Variants in BPNT1 observed in about 807,000 individuals in gnomAD.
BPNT1 encodes the protein 3'(2'), 5'-bisphosphate nucleotidase 1.
Under a neutral mutation model 36.9 loss-of-function variants are expected in BPNT1, and 28 were observed. The ratio of observed to expected loss-of-function variants is 0.76; its 90% CI spans 0.56 to 1.04. The LOEUF is 1.04. Ranked by LOEUF, BPNT1 falls within the 50% of genes least tolerant of loss-of-function variation. BPNT1 has a pLI of 0.00. For synonymous variants in BPNT1, 119 were observed against 130.9 expected (o/e 0.91, Z 0.62); for missense variants, 313 against 372.9 (o/e 0.84, Z 1.32).
chr1:220,063,049 A>T, intron 6 of BPNT1, 95 bp from the exon 7 acceptor site: 2 of 1,374,384 alleles, frequency 1.5e-6, no homozygotes, highest in Non-Finnish European at 2.0e-6. Flanking sequence ...ATCATGATTT[A>T]AAAAATAAAA....
intron 2 of BPNT1, among the ~76,000 whole-genome samples, chr1:220,074,525 C>G (rs976077825): frequency 6.6e-6 from 1 of 151,368 alleles, no homozygotes; most frequent in Non-Finnish European, 1.5e-5. Context: ...GAGACAGAGT[C>G]TTGCTCTGTC....
intron 2 of BPNT1, among the ~76,000 whole-genome samples, chr1:220,078,549 T>TATAATTATAA (rs1298850184): frequency 7.2e-6 from 1 of 139,336 alleles, no homozygotes; most frequent in African/African-American, 2.7e-5. Context: ...TATATTATAA[T>TATAATTATAA]TATATATAAA....
intron 1 of BPNT1, among the ~76,000 whole-genome samples, chr1:220,083,066 G>A (rs1178721591): frequency 1.3e-5 from 2 of 151,308 alleles, no homozygotes; most frequent in Non-Finnish European, 2.9e-5. Context: ...GTGAAACCCC[G>A]TGTCTACTAA....
intron 2 of BPNT1, among the ~76,000 whole-genome samples, chr1:220,075,303 A>C (rs933087106): frequency 6.6e-6 from 1 of 152,162 alleles, no homozygotes; most frequent in African/African-American, 2.4e-5. Flanking sequence ...CGGGCTCCCA[A>C]AGTGCTGGGA....
chr1:220,064,930 C>T (rs1663401925), intron 6 of BPNT1, among the ~76,000 whole-genome samples: 1 of 152,098 alleles, frequency 6.6e-6, no homozygotes, highest in South Asian at 2.1e-4. Context: ...GCCTCAGCCT[C>T]CTGAGTAGCT....
chr1:220,076,500 CA>C (rs35221551), intron 2 of BPNT1, among the ~76,000 whole-genome samples: 4,072 of 58,004 alleles, frequency 0.07, 215 homozygotes, highest in African/African-American at 0.22. Context: ...GACTCCATCT[CA>C]AAAAAAAAAA....
At chr1:220,072,363 GA>G (rs985519845) in intron 4 of BPNT1, among the ~76,000 whole-genome samples, 55 of 138,462 alleles carry the variant, frequency 4.0e-4, no homozygotes, top group East Asian at 6.4e-4. Flanking sequence ...CTCCGTCTCA[GA>G]AAAAAAAAAA....
intron 6 of BPNT1, among the ~76,000 whole-genome samples, chr1:220,063,830 C>T (rs1240240504): frequency 3.9e-5 from 6 of 152,080 alleles, no homozygotes; most frequent in Admixed American, 3.3e-4. Context: ...ATAATGCAAT[C>T]TTAGAATCTA....
intron 5 of BPNT1, among the ~76,000 whole-genome samples, chr1:220,068,374 G>A (rs1425807266): frequency 6.6e-6 from 1 of 151,964 alleles, no homozygotes; most frequent in African/African-American, 2.4e-5. Flanking sequence ...AGGAGAGAAG[G>A]TGTTTCACCA....
At chr1:220,083,606 C>G (rs563789976) in intron 1 of BPNT1, among the ~76,000 whole-genome samples, 12 of 152,024 alleles carry the variant, frequency 7.9e-5, no homozygotes, top group Non-Finnish European at 1.5e-4. Context: ...CCACCGCGCC[C>G]GGCCAATAAA....
intron 2 of BPNT1, among the ~76,000 whole-genome samples, chr1:220,078,513 AT>A (rs199679040): frequency 0.059 from 8,372 of 142,630 alleles, 290 homozygotes; most frequent in East Asian, 0.11. Flanking sequence ...ATATAATATA[AT>A]TATATATAAT....
At chr1:220,066,581 TA>T (rs2102657914) in intron 6 of BPNT1, among the ~76,000 whole-genome samples, 2 of 152,328 alleles carry the variant, frequency 1.3e-5, no homozygotes, top group South Asian at 4.1e-4. Context: ...CACATTAATA[TA>T]AATACCTTAA....
intron 6 of BPNT1, among the ~76,000 whole-genome samples, chr1:220,064,780 G>C (rs1040987096): frequency 6.6e-6 from 1 of 152,080 alleles, no homozygotes; most frequent in Non-Finnish European, 1.5e-5. Flanking sequence ...TACAGGAGAG[G>C]CTTGGAATCT....
intron 7 of BPNT1, 99 bp from the exon 8 acceptor site, chr1:220,059,890 A>C (rs1024813297): frequency 9.7e-6 from 8 of 821,292 alleles, no homozygotes; most frequent in African/African-American, 3.5e-5. Flanking sequence ...GCTTGTTTCT[A>C]TCAAGGACAT....
rs753390936 is a variant in BPNT1, at chr1:220,062,769, T to G, written c.660A>C (p.Gly220=). The G allele has an allele frequency of 1.9e-6, 3 of 1,614,170 alleles. No homozygotes were observed. The highest frequency in any genetic ancestry group is 2.5e-6 in the Non-Finnish European group (3 of 1,180,020). ...MNPDAVLRVG[G]AGNKIIQLIE... is the part of the protein sequence containing the mutation. The stretch of plus-strand genomic sequence containing the variant: ...ACATTTTTCATACCTTATTTCCTGC[T>G]CCTCCTACTCGCAGCACAGCATCGG... The change falls in exon 7 of 9, where the codon GGA becomes GGC. Residue 220 remains glycine, a synonymous_variant. Coordinates refer to ENST00000322067, the MANE Select transcript of BPNT1 (RefSeq NM_006085.6).
At chr1:220,082,866 C>T (rs1000624101) in intron 1 of BPNT1, among the ~76,000 whole-genome samples, 3 of 152,104 alleles carry the variant, frequency 2.0e-5, no homozygotes, top group Non-Finnish European at 2.9e-5. Flanking sequence ...TTTCTATCAT[C>T]CACACTCTAT....
chr1:220,062,721 T>C, intron 7 of BPNT1, 36 bp downstream of exon 7: 1 of 1,600,176 alleles, frequency 6.2e-7, no homozygotes, highest in Non-Finnish European at 8.6e-7. Context: ...AATGATTCAC[T>C]TGCACTTCAG....
rs1355739246 is a variant in BPNT1, at chr1:220,078,548, AT to A, written c.120+1178del. ...ATTATATTACATTATATATATTATA[AT>A]TATATATAAATATAATATATATTAT... On this transcript the variant is annotated intron_variant, in intron 2 of 8. Transcript: ENST00000322067. 8.0e-3 allele frequency among the ~76,000 whole-genome samples: 1,017 copies of A among 127,134 alleles called. 14 individuals are homozygous for A. The highest frequency in any genetic ancestry group is 0.03 in the African/African-American group (956 of 32,388). The allele number at this position is 127,134 out of a possible 152,430, so 83.4% of individuals were successfully genotyped here.
chr1:220,070,439 G>A (rs375758785), intron 4 of BPNT1, among the ~76,000 whole-genome samples: 7 of 151,932 alleles, frequency 4.6e-5, no homozygotes, highest in African/African-American at 1.5e-4. Context: ...TCTGCCTCCC[G>A]GGTTCATGCC....
Sources: gnomAD v4.1 joint callset for allele counts (sites outside exome capture counted in the v4.1 genomes callset) on GRCh38, gnomAD v4.1.1 for gene constraint, MANE v1.5 for transcripts, NCBI Gene and HGNC (gene_info 2026-07-23, HGNC 2026-07-21) for gene names.